The following SV2C variants were observed in gnomAD, a reference collection of about 807,000 sequenced individuals.
SV2C encodes the protein synaptic vesicle glycoprotein 2C.
Under a neutral mutation model 79.7 loss-of-function variants are expected in SV2C, and 49 were observed. The ratio of observed to expected loss-of-function variants is 0.61; its 90% CI spans 0.49 to 0.78. SV2C has a LOEUF of 0.78. SV2C is among the 30% of genes least tolerant of loss of function. The probability of loss-of-function intolerance (pLI) is 0.00; values close to 1 mark genes in which losing one functional copy is unlikely to be tolerated. For synonymous variants in SV2C, 334 were observed against 333.2 expected (o/e 1.00, Z -0.03); for missense variants, 833 against 912.9 (o/e 0.91, Z 1.13).
At chr5:76,047,595 T>C in the SV2C span, among the ~76,000 whole-genome samples, 17 of 152,088 alleles carry the variant, frequency 1.1e-4, no homozygotes, top group African/African-American at 2.4e-5. Flanking sequence ...AAAAAAATAT[T>C]ATGCTATTAA....
the SV2C span, among the ~76,000 whole-genome samples, chr5:75,850,395 A>G: frequency 6.6e-6 from 1 of 152,232 alleles, no homozygotes; most frequent in African/African-American, 2.4e-5. Flanking sequence ...ATCACAAAAT[A>G]CTTATGTTTT....
chr5:75,870,302 A>G, the SV2C span, among the ~76,000 whole-genome samples: 1 of 152,044 alleles, frequency 6.6e-6, no homozygotes. Flanking sequence ...GATAAATTTA[A>G]CAAAAAGATT....
chr5:76,146,788 GTT>G (rs143502248), intron 2 of SV2C, among the ~76,000 whole-genome samples: 4,491 of 47,124 alleles, frequency 0.095, 718 homozygotes, highest in East Asian at 0.31. Context: ...AAAGGAATGA[GTT>G]TTTTTTTAAA....
At chr5:76,033,732 C>A in the SV2C span, among the ~76,000 whole-genome samples, 1 of 152,100 alleles carries the variant, frequency 6.6e-6, no homozygotes, top group Non-Finnish European at 1.5e-5. Flanking sequence ...GCAATGAGGG[C>A]TCTTTTTTGG....
chr5:76,234,629 C>T (rs2112407122), intron 4 of SV2C, among the ~76,000 whole-genome samples: 1 of 152,294 alleles, frequency 6.6e-6, no homozygotes, highest in African/African-American at 2.4e-5. Flanking sequence ...CCCACAGAAT[C>T]ACTGCCACCG....
the SV2C span, among the ~76,000 whole-genome samples, chr5:75,866,869 C>A: frequency 6.6e-6 from 1 of 151,936 alleles, no homozygotes; most frequent in Non-Finnish European, 1.5e-5. Context: ...AGTGAGGGTC[C>A]CTGAGAAAGG....
the SV2C span, among the ~76,000 whole-genome samples, chr5:75,966,888 C>G: frequency 6.6e-6 from 1 of 152,148 alleles, no homozygotes; most frequent in South Asian, 2.1e-4. Flanking sequence ...AGTCTCAAGA[C>G]AGATTTAGGC....
intron 1 of SV2C, among the ~76,000 whole-genome samples, chr5:76,117,474 A>G (rs754372954): frequency 6.6e-6 from 1 of 152,206 alleles, no homozygotes; most frequent in Admixed American, 6.6e-5. Flanking sequence ...AAGCAATTCT[A>G]AAGTTTATTT....
At chr5:76,197,660 A>C (rs1346633652) in intron 3 of SV2C, among the ~76,000 whole-genome samples, 1 of 142,046 alleles carries the variant, frequency 7.0e-6, no homozygotes, top group Non-Finnish European at 1.5e-5. Context: ...AGCATTCTCC[A>C]GAGAGAGAGA....
At chr5:75,883,903 C>G in the SV2C span, among the ~76,000 whole-genome samples, 2 of 150,836 alleles carry the variant, frequency 1.3e-5, no homozygotes, top group African/African-American at 4.9e-5. Context: ...ATCCTGTTAA[C>G]TGGGAAATAG....
intron 4 of SV2C, among the ~76,000 whole-genome samples, chr5:76,278,247 T>A (rs569777813): frequency 3.3e-5 from 5 of 151,644 alleles, no homozygotes; most frequent in Admixed American, 2.0e-4. Flanking sequence ...GAGGTCTTGA[T>A]GAGTGGGAAA....
intron 12 of SV2C, among the ~76,000 whole-genome samples, chr5:76,302,578 C>T (rs1254702802): frequency 7.3e-6 from 1 of 136,688 alleles, no homozygotes; most frequent in Admixed American, 8.0e-5. Flanking sequence ...TGCAGTTAGC[C>T]AAGATCATGC....
the SV2C span, among the ~76,000 whole-genome samples, chr5:75,875,442 A>C: frequency 6.6e-6 from 1 of 152,216 alleles, no homozygotes; most frequent in Non-Finnish European, 1.5e-5. Flanking sequence ...AAGATGAATT[A>C]AAGACTTAAA....
At chr5:76,202,015 CAAAAAA>C (rs373279209) in intron 3 of SV2C, among the ~76,000 whole-genome samples, 20 of 82,142 alleles carry the variant, frequency 2.4e-4, no homozygotes, top group South Asian at 4.8e-4. Flanking sequence ...GACTCCATCT[CAAAAAA>C]AAAAAAAAAA....
At chr5:76,094,095 T>C (rs1220119841) in intron 1 of SV2C, among the ~76,000 whole-genome samples, 1 of 152,044 alleles carries the variant, frequency 6.6e-6, no homozygotes, top group African/African-American at 2.4e-5. Flanking sequence ...AACAAACAAG[T>C]AAATAAATAA....
chr5:76,147,755 C>T (rs1006238707), intron 2 of SV2C, among the ~76,000 whole-genome samples: 1 of 151,956 alleles, frequency 6.6e-6, no homozygotes, highest in Non-Finnish European at 1.5e-5. Context: ...ACTTTTTTGA[C>T]AAGATATTTA....
chr5:76,330,754 G>T lies in SV2C; in HGVS notation c.*5207G>T, dbSNP rs908757117. The T allele has an allele frequency of 6.8e-6, 1 of 147,682 alleles. No homozygotes were observed. Among genetic ancestry groups the T allele is most frequent in the Non-Finnish European group, 1.5e-5 (1 of 67,488 alleles). 9.1% of individuals were successfully genotyped at this position (147,682 alleles called of 1,614,324 possible). On this transcript the variant is annotated 3_prime_UTR_variant, in exon 13 of 13. Transcript: ENST00000502798. ...AGAAAAATGAAACCACACATAAGTT[G>T]TTCCCTTAAATAATCTCAGCAGGAT...
At chr5:76,073,530 TATATATATATATATAC>T in the SV2C span, among the ~76,000 whole-genome samples, 7 of 127,358 alleles carry the variant, frequency 5.5e-5, no homozygotes, top group Non-Finnish European at 8.2e-5. Context: ...TATATATATA[TATATATATATATATAC>T]ACCATGGAAT....
chr5:76,163,552 G>A (rs565438113), intron 2 of SV2C, among the ~76,000 whole-genome samples: 2 of 152,166 alleles, frequency 1.3e-5, no homozygotes, highest in Admixed American at 6.5e-5. Context: ...CACCTGTACT[G>A]GTGCCATGTC....
Sources: gnomAD v4.1 joint callset for allele counts (sites outside exome capture counted in the v4.1 genomes callset) on GRCh38, gnomAD v4.1.1 for gene constraint, MANE v1.5 for transcripts, NCBI Gene and HGNC (gene_info 2026-07-23, HGNC 2026-07-21) for gene names.